Variants in ERC2 observed in about 807,000 individuals in gnomAD.
The protein encoded by ERC2 is ELKS/RAB6-interacting/CAST family member 2.
A neutral mutation model predicts 114.8 loss-of-function variants in ERC2; 42 were observed. The observed-to-expected ratio is 0.37, with a 90% CI of 0.29 to 0.47. The LOEUF (loss-of-function observed/expected upper bound fraction) is 0.47, where lower values mean the gene tolerates loss of function less well. Ranked by LOEUF, ERC2 falls within the 20% of genes least tolerant of loss-of-function variation. The pLI is 0.99. For missense variants in ERC2, 939 were observed against 1,150.7 expected, an observed-to-expected ratio of 0.82 and a Z score of 2.66; for synonymous variants, 454 against 425.5, an observed-to-expected ratio of 1.07 and a Z score of -0.82.
intron 3 of ERC2, among the ~76,000 whole-genome samples, chr3:56,253,149 CAT>C (rs919228004): frequency 7.9e-5 from 12 of 152,182 alleles, no homozygotes; most frequent in African/African-American, 2.7e-4. Context: ...AAGAAGGAAT[CAT>C]GTGTTCACAA....
At chr3:56,007,782 C>T (rs1462615399) in intron 9 of ERC2, among the ~76,000 whole-genome samples, 4 of 152,042 alleles carry the variant, frequency 2.6e-5, no homozygotes, top group African/African-American at 9.7e-5. Context: ...TTATCAAATC[C>T]CATTTCTTTA....
At chr3:55,839,834 C>A (rs569850476) in intron 14 of ERC2, among the ~76,000 whole-genome samples, 1 of 151,546 alleles carries the variant, frequency 6.6e-6, no homozygotes, top group African/African-American at 2.4e-5. Context: ...TAAATCTGGC[C>A]ATAACAAGGA....
intron 4 of ERC2, among the ~76,000 whole-genome samples, chr3:56,165,977 T>C (rs533098177): frequency 6.6e-6 from 1 of 152,130 alleles, no homozygotes; most frequent in East Asian, 1.9e-4. Flanking sequence ...CCTTATATCA[T>C]AGAGAAAGCT....
chr3:56,372,018 G>A (rs1188444238), intron 2 of ERC2, among the ~76,000 whole-genome samples: 1 of 152,260 alleles, frequency 6.6e-6, no homozygotes, highest in Non-Finnish European at 1.5e-5. Context: ...GAATTTGTAT[G>A]AGTCTATAGG....
At chr3:56,128,401 C>T (rs551468825) in intron 6 of ERC2, among the ~76,000 whole-genome samples, 2 of 152,278 alleles carry the variant, frequency 1.3e-5, no homozygotes, top group African/African-American at 4.8e-5. Context: ...AAAACTGACG[C>T]ACTGGAGATC....
At chr3:55,723,754 A>T (rs1345244124) in intron 15 of ERC2, among the ~76,000 whole-genome samples, 2 of 152,220 alleles carry the variant, frequency 1.3e-5, no homozygotes, top group Non-Finnish European at 1.5e-5. Flanking sequence ...TGAAGCCAGG[A>T]AAGGACAGAC....
intron 17 of ERC2, among the ~76,000 whole-genome samples, chr3:55,581,273 G>A (rs975512732): frequency 3.3e-5 from 5 of 152,208 alleles, no homozygotes; most frequent in Non-Finnish European, 7.3e-5. Flanking sequence ...AAGTAAGGGG[G>A]AAAGAAAACC....
chr3:55,514,986 AAC>A (rs1286545091), intron 17 of ERC2, among the ~76,000 whole-genome samples: 1 of 152,208 alleles, frequency 6.6e-6, no homozygotes, highest in Non-Finnish European at 1.5e-5. Context: ...TAGTGAGAAA[AAC>A]AGACAAGGTC....
chr3:56,434,614 G>T lies in ERC2; in HGVS notation c.394C>A (p.His132Asn), dbSNP rs1410926083. ...GGLTGSSHHH[H>N]HQVPSMLRQV... ...CTCAACATGGAGGGGACCTGGTGGT[G>T]GTGATGATGGGATGAGCCAGTCAGC... The change falls in exon 2 of 18, where the codon CAC becomes AAC. Residue 132 changes from histidine (H) to asparagine (N), a missense_variant. His to Asn is a moderately conservative substitution (Grantham distance 68). Transcript: ENST00000288221. 1.2e-6 allele frequency: 2 copies of T among 1,613,838 alleles called. No homozygotes were observed. The highest frequency in any genetic ancestry group is 1.7e-6 in the Non-Finnish European group (2 of 1,179,884).
At chr3:56,108,095 C>A (rs376920985) in intron 6 of ERC2, among the ~76,000 whole-genome samples, 31 of 152,270 alleles carry the variant, frequency 2.0e-4, no homozygotes, top group African/African-American at 7.0e-4. Context: ...TAGCCTAAGA[C>A]ACTTTATTAA....
chr3:55,521,998 T>G (rs1322789388), intron 17 of ERC2, among the ~76,000 whole-genome samples: 1 of 152,248 alleles, frequency 6.6e-6, no homozygotes, highest in Non-Finnish European at 1.5e-5. Flanking sequence ...ACAACTCCAC[T>G]GCCATAAACA....
At chr3:56,215,201 T>A (rs1174378819) in intron 3 of ERC2, among the ~76,000 whole-genome samples, 4 of 152,058 alleles carry the variant, frequency 2.6e-5, no homozygotes, top group African/African-American at 7.2e-5. Context: ...GACTGGCAAA[T>A]TGGATAAAGA....
chr3:56,030,767 G>A (rs537889583), intron 7 of ERC2, among the ~76,000 whole-genome samples: 5 of 152,286 alleles, frequency 3.3e-5, no homozygotes, highest in Admixed American at 1.3e-4. Context: ...TCATGGATGC[G>A]AATTAATCTA....
At chr3:55,985,094 T>C (rs1367646569) in intron 12 of ERC2, among the ~76,000 whole-genome samples, 1 of 152,222 alleles carries the variant, frequency 6.6e-6, no homozygotes, top group Non-Finnish European at 1.5e-5. Context: ...GAAGTTTAGA[T>C]AGCCTCAAAT....
intron 13 of ERC2, among the ~76,000 whole-genome samples, chr3:55,939,732 G>A (rs1559902579): frequency 6.6e-6 from 1 of 152,120 alleles, no homozygotes. Context: ...CTGACATAGT[G>A]GCTTATTAAA....
intron 14 of ERC2, among the ~76,000 whole-genome samples, chr3:55,770,891 C>T (rs553808039): frequency 2.1e-4 from 32 of 151,420 alleles, no homozygotes; most frequent in African/African-American, 7.3e-4. Flanking sequence ...TGAGAACATG[C>T]GGTGTTTGGT....
intron 17 of ERC2, among the ~76,000 whole-genome samples, chr3:55,673,934 A>G (rs942910697): frequency 4.9e-4 from 74 of 151,772 alleles, no homozygotes; most frequent in Non-Finnish European, 1.9e-4. Context: ...CAAGGTTGCT[A>G]ATTCCATCAC....
intron 2 of ERC2, among the ~76,000 whole-genome samples, chr3:56,321,659 C>T (rs1008015227): frequency 2.0e-4 from 31 of 152,322 alleles, no homozygotes; most frequent in African/African-American, 7.5e-4. Flanking sequence ...AGTTTGTTGG[C>T]TGCTTCTGAT....
chr3:55,734,824 C>T lies in ERC2; in HGVS notation c.2659G>A (p.Val887Ile). ...ASKKKKTQEE[V>I]MALKREKDRL... is the part of the protein sequence containing the mutation. ...TCTTTTTCCCGCTTGAGGGCCATGA[C>T]TTCTTCCTGCGTCTTTTTCTTTTTG... Residue 887 changes from valine (V) to isoleucine (I), a missense_variant, in exon 15 of 18, where the codon GTC (valine) becomes ATC (isoleucine). Transcript: ENST00000288221. The T allele has an allele frequency of 6.2e-7, 1 of 1,613,200 alleles. No homozygotes were observed. Among genetic ancestry groups the T allele is most frequent in the South Asian group, 1.1e-5 (1 of 90,964 alleles).
Sources: gnomAD v4.1 joint callset for allele counts (sites outside exome capture counted in the v4.1 genomes callset) on GRCh38, gnomAD v4.1.1 for gene constraint, MANE v1.5 for transcripts, NCBI Gene and HGNC (gene_info 2026-07-23, HGNC 2026-07-21) for gene names.